The following OR9G1 variants were observed in gnomAD, a reference collection of about 807,000 sequenced individuals.
OR9G1 encodes olfactory receptor family 9 subfamily G member 1, also known as olfactory receptor 9G1.
OR9G1 carries 21 observed loss-of-function variants against 14.5 expected under a neutral mutation model. The ratio of observed to expected loss-of-function variants is 1.45; its 90% CI spans 1.03 to 2.09. The LOEUF is 2.09. OR9G1 is among the 30% of genes most tolerant of loss of function. The probability of loss-of-function intolerance (pLI) is 0.00; values close to 1 mark genes in which losing one functional copy is unlikely to be tolerated. For missense variants in OR9G1, 476 were observed against 364.2 expected, an observed-to-expected ratio of 1.31 and a Z score of -2.50; for synonymous variants, 179 against 153.3, an observed-to-expected ratio of 1.17 and a Z score of -1.24.
Position 56,701,018 on chromosome 11 carries a change from G to A in OR9G1, c.631G>A (p.Val211Met), listed in dbSNP as rs760593414. Residue 211 changes from valine (V) to methionine (M), a missense_variant, in exon 2 of 2, where the codon GTG becomes ATG. Val to Met is a conservative substitution (Grantham distance 21). Transcript: ENST00000642097. ...GGCCTCCAATGTCATCTGCCCCGCA[G>A]TGCTCATCCTGGCCTCCTACCTCTT... ...LLASNVICPA[V>M]LILASYLFII... 8 of 1,614,264 alleles carry A rather than the reference G, an allele frequency of 5.0e-6. No homozygotes were observed. In the Admixed American group the frequency reaches 1.0e-4, roughly 20 times the overall value.
intron 1 of OR9G1, 80 bp from the exon 2 acceptor site, chr11:56,700,290 C>T (rs1857589092): frequency 6.5e-7 from 1 of 1,532,150 alleles, no homozygotes; most frequent in Non-Finnish European, 8.8e-7. Flanking sequence ...TCACGAAACA[C>T]TGCAAATGTG....
chr11:56,700,423 A>T lies in OR9G1; in HGVS notation c.36A>T (p.Ile12=), dbSNP rs1468725182. ...GCAATCATACAGTGACTGAGTTTAT[A>T]CTGCTGGGCTTCACCACAGACCCAG... ...QRSNHTVTEF[I]LLGFTTDPGM... The change falls in exon 2 of 2, where the codon ATA becomes ATT. Residue 12 remains isoleucine, a synonymous_variant. Coordinates refer to ENST00000642097, the MANE Select transcript of OR9G1 (RefSeq NM_001005213.2). 6.2e-7 allele frequency: 1 copy of T among 1,614,298 alleles called. No homozygotes were observed. The highest frequency in any genetic ancestry group is 2.2e-5 in the East Asian group (1 of 44,896).
Position 56,701,152 on chromosome 11 carries a change from C to G in OR9G1, c.765C>G (p.Leu255=), listed in dbSNP as rs773224993. 8 of 1,614,322 alleles carry G rather than the reference C, an allele frequency of 5.0e-6. No homozygotes were observed. Among genetic ancestry groups the G allele is most frequent in the Non-Finnish European group, 6.8e-6 (8 of 1,180,060 alleles). The change falls in exon 2 of 2, where the codon CTC becomes CTG. Residue 255 remains leucine (L), a synonymous_variant. Transcript: ENST00000642097. ...TSVTLYYGSI[L]YIYALPRSSY... is the part of the protein sequence containing the mutation. ...TCACTTTATACTATGGCTCCATTCT[C>G]TACATCTACGCTCTCCCCAGATCTA...
rs754107709 is a variant in OR9G1, at chr11:56,700,607, T to C, written c.220T>C (p.Ser74Pro). ...GTCGTTTCTGGATCTCTGGTATTCT[T>C]CTGTCTACACCCCAAAGATCCTAGT... is the stretch of plus-strand genomic sequence containing the variant. ...NLSFLDLWYS[S>P]VYTPKILVTC... is the part of the protein sequence containing the mutation. The change falls in exon 2 of 2, where the codon TCT becomes CCT. Residue 74 changes from serine (S) to proline (P), a missense_variant. Around this residue, in one of 3 missense-constraint regions of OR9G1, gnomAD observed 35 missense variants for 67.6 expected, o/e 0.52. Coordinates refer to ENST00000642097, the MANE Select transcript of OR9G1 (RefSeq NM_001005213.2). The C allele has an allele frequency of 1.2e-6, 2 of 1,614,310 alleles. No homozygotes were observed. The highest frequency in any genetic ancestry group is 1.3e-5 in the African/African-American group (1 of 75,090).
rs1857683118 is a variant in OR9G1, at chr11:56,703,684, A to T, written c.*2379A>T. 2 of 152,314 alleles carry T rather than the reference A, an allele frequency of 1.3e-5. No homozygotes were observed. The highest frequency in any genetic ancestry group is 2.9e-5 in the Non-Finnish European group (2 of 68,060). The allele number at this position is 152,314 out of a possible 1,614,324, so 9.4% of individuals were successfully genotyped here. A position where few individuals can be genotyped will look rare whatever the true frequency, so the allele number is the denominator to read the frequency against. On this transcript the variant is annotated 3_prime_UTR_variant, in exon 2 of 2. Coordinates refer to ENST00000642097, the MANE Select transcript of OR9G1 (RefSeq NM_001005213.2). ...ACACCGTGGTATCATAAACCCTGACATGTAACTATAGAAGAGAGTCTCAAA... is the reference window on the plus strand; with the variant it reads ...ACACCGTGGTATCATAAACCCTGACTTGTAACTATAGAAGAGAGTCTCAAA...
chr11:56,701,338 G>T lies in OR9G1; in HGVS notation c.*33G>T. The T allele has an allele frequency of 6.4e-7, 1 of 1,561,136 alleles. No individual in the cohort carries two copies. Among genetic ancestry groups the T allele is most frequent in the Admixed American group, 1.9e-5 (1 of 52,862 alleles). On this transcript the variant is annotated 3_prime_UTR_variant, in exon 2 of 2. Transcript: ENST00000642097. ...TTATCTCCACCAGAGGAGAAACAAA[G>T]ACGACCTTAGATGGAGTGTTGTGTA... is the stretch of plus-strand genomic sequence containing the variant.
In OR9G1 at chr11:56,701,150, C is replaced by A; in HGVS notation, c.763C>A (p.Leu255Ile). Reference protein sequence around the residue: ...TSVTLYYGSILYIYALPRSSY... With the variant: ...TSVTLYYGSIIYIYALPRSSY... ...TGTCACTTTATACTATGGCTCCATT[C>A]TCTACATCTACGCTCTCCCCAGATC... The change falls in exon 2 of 2, where the codon CTC becomes ATC. Residue 255 changes from leucine (L) to isoleucine (I), a missense_variant. Physicochemically the swap from Leu to Ile is conservative, Grantham distance 5 (BLOSUM62 2). Around this residue, in one of 3 missense-constraint regions of OR9G1, gnomAD observed 352 missense variants for 211.6 expected, o/e 1.66. Coordinates refer to ENST00000642097, the MANE Select transcript of OR9G1 (RefSeq NM_001005213.2). The A allele has an allele frequency of 6.2e-7, 1 of 1,614,320 alleles. No individual in the cohort carries two copies. Among genetic ancestry groups the A allele is most frequent in the East Asian group, 2.2e-5 (1 of 44,896 alleles).
Position 56,702,961 on chromosome 11 carries a change from T to A in OR9G1, c.*1656T>A, listed in dbSNP as rs550306149. 22 of 152,432 alleles carry A rather than the reference T, an allele frequency of 1.4e-4. No homozygotes were observed. In the South Asian group the frequency reaches 4.6e-3, roughly 32 times the overall value. 9.4% of individuals were successfully genotyped at this position (152,432 alleles called of 1,614,324 possible). A position where few individuals can be genotyped will look rare whatever the true frequency, so the allele number is the denominator to read the frequency against. Reference sequence around the variant, plus strand: ...GTATATGAGGTGATGGACATAATAATTAGTCGAAGATGTTCAATCTACAAT... The same window carrying A: ...GTATATGAGGTGATGGACATAATAAATAGTCGAAGATGTTCAATCTACAAT... On this transcript the variant is annotated 3_prime_UTR_variant, in exon 2 of 2. Coordinates refer to ENST00000642097, the MANE Select transcript of OR9G1 (RefSeq NM_001005213.2).
intron 1 of OR9G1, among the ~76,000 whole-genome samples, chr11:56,699,540 G>A (rs889322375): frequency 1.3e-5 from 2 of 152,306 alleles, no homozygotes. Flanking sequence ...AAATGACTTA[G>A]GTTAATGAGA....
intron 1 of OR9G1, 114 bp from the exon 2 acceptor site, chr11:56,700,256 C>T (rs2135017385): frequency 7.0e-7 from 1 of 1,431,714 alleles, no homozygotes; most frequent in African/African-American, 1.4e-5. Context: ...CTAAAACAAA[C>T]AATTAGATTG....
At position 56,701,626 on chromosome 11, in the gene OR9G1, A is replaced by G. The variant is rs1857635919; in HGVS notation, c.*321A>G. 3.3e-6 allele frequency: 1 copy of G among 305,602 alleles called. No homozygotes were observed. The highest frequency in any genetic ancestry group is 4.7e-5 in the Admixed American group (1 of 21,328). 18.9% of individuals were successfully genotyped at this position (305,602 alleles called of 1,614,324 possible). A position where few individuals can be genotyped will look rare whatever the true frequency, so the allele number is the denominator to read the frequency against. Reference sequence around the variant, plus strand: ...GGCTAACTGATACATATAGAAGAGTATCTATATAGTTCCTAGAACTAGGAA... The same window carrying G: ...GGCTAACTGATACATATAGAAGAGTGTCTATATAGTTCCTAGAACTAGGAA... On this transcript the variant is annotated 3_prime_UTR_variant, in exon 2 of 2. Transcript: ENST00000642097.
At position 56,703,741 on chromosome 11, in the gene OR9G1, T is replaced by A. The variant is rs79203252; in HGVS notation, c.*2436T>A. On this transcript the variant is annotated 3_prime_UTR_variant, in exon 2 of 2. Transcript: ENST00000642097. ...GACGGCTTCTATTCTAATATTTTTA[T>A]GGGAGCCTACCAGAATTCATTCTTC... The A allele has an allele frequency of 6.6e-6, 1 of 152,304 alleles. No individual in the cohort carries two copies. 9.4% of individuals were successfully genotyped at this position (152,304 alleles called of 1,614,324 possible). A position where few individuals can be genotyped will look rare whatever the true frequency, so the allele number is the denominator to read the frequency against.
chr11:56,700,222 T>G (rs1032055268), intron 1 of OR9G1, 148 bp from the exon 2 acceptor site: 11 of 942 alleles, frequency 0.012, no homozygotes, highest in Non-Finnish European at 0.014. Flanking sequence ...TTGCAAAGCC[T>G]GATTGTTGCA....
chr11:56,700,758 C>A lies in OR9G1; in HGVS notation c.371C>A (p.Ala124Asp). ...LAAVAYDRYV[A>D]ISKPLLYAQA... ...GCCGTGGCTTATGACCGCTACGTGGCCATCTCCAAGCCCCTGCTTTATGCC... is the reference window on the plus strand; with the variant it reads ...GCCGTGGCTTATGACCGCTACGTGGACATCTCCAAGCCCCTGCTTTATGCC... The change falls in exon 2 of 2, where the codon GCC becomes GAC. Residue 124 changes from alanine (A) to aspartate (D), a missense_variant. Ala to Asp is a moderately radical substitution (Grantham distance 126). Transcript: ENST00000642097. 1.2e-6 allele frequency: 2 copies of A among 1,614,316 alleles called. No homozygotes were observed. Among genetic ancestry groups the A allele is most frequent in the South Asian group, 1.1e-5 (1 of 91,092 alleles).
chr11:56,700,346 T>G (rs774672713), intron 1 of OR9G1, 24 bp from the exon 2 acceptor site: 2 of 1,608,092 alleles, frequency 1.2e-6, no homozygotes, highest in Admixed American at 1.7e-5. Flanking sequence ...TAATGCAAAC[T>G]GAGCTCATTT....
chr11:56,700,318 T>A, intron 1 of OR9G1, 52 bp from the exon 2 acceptor site: 1 of 1,579,496 alleles, frequency 6.3e-7, no homozygotes, highest in Non-Finnish European at 8.6e-7. Context: ...GTAACATAAT[T>A]CTACATATTC....
rs751244777 is a variant in OR9G1, at chr11:56,701,091, A to C, written c.704A>C (p.Lys235Thr). 2 of 1,614,178 alleles carry C rather than the reference A, an allele frequency of 1.2e-6. No individual in the cohort carries two copies. Among genetic ancestry groups the C allele is most frequent in the African/African-American group, 2.7e-5 (2 of 74,964 alleles). The change falls in exon 2 of 2, where the codon AAA becomes ACA. Residue 235 changes from lysine to threonine, a missense_variant. Coordinates refer to ENST00000642097, the MANE Select transcript of OR9G1 (RefSeq NM_001005213.2). ...LRISSSKGYL[K>T]AFSTCSSHLT... ...ATCTCCTCCTCCAAGGGCTACCTCA[A>C]AGCCTTCTCCACATGCTCCTCCCAC...
rs1471656053 is a variant in OR9G1, at chr11:56,701,483, A to G, written c.*178A>G. ...TTCGGACAAAAACATCTGAATATAT[A>G]AGAATTTGAATTGAATTTCCTATCT... On this transcript the variant is annotated 3_prime_UTR_variant, in exon 2 of 2. Coordinates refer to ENST00000642097, the MANE Select transcript of OR9G1 (RefSeq NM_001005213.2). The G allele has an allele frequency of 1.3e-5, 12 of 903,176 alleles. No individual in the cohort carries two copies. The highest frequency in any genetic ancestry group is 1.9e-5 in the Non-Finnish European group (12 of 634,334). 55.9% of individuals were successfully genotyped at this position (903,176 alleles called of 1,614,324 possible). A position where few individuals can be genotyped will look rare whatever the true frequency, so the allele number is the denominator to read the frequency against.
At chr11:56,699,853 G>T (rs1490999779) in intron 1 of OR9G1, among the ~76,000 whole-genome samples, 1 of 152,286 alleles carries the variant, frequency 6.6e-6, no homozygotes, top group African/African-American at 2.4e-5. Context: ...CCAAAACATT[G>T]TATCTATTCT....
Sources: allele counts gnomAD v4.1 joint callset (sites outside exome capture counted in the v4.1 genomes callset), GRCh38; gene constraint gnomAD v4.1.1; regional missense constraint gnomAD v4.1.1; transcripts MANE v1.5; gene names NCBI Gene and HGNC (gene_info 2026-07-23, HGNC 2026-07-21).